The following CTNNA3 variants were observed in gnomAD, a reference collection of about 807,000 sequenced individuals.
CTNNA3 encodes the protein catenin alpha-3.
In CTNNA3, 76 loss-of-function variants were observed where a neutral mutation model predicts 95.7. The observed-to-expected ratio is 0.79, with a 90% CI of 0.66 to 0.96. CTNNA3 has a LOEUF of 0.96. CTNNA3 is among the 40% of genes least tolerant of loss of function. The pLI is 0.00. For missense variants in CTNNA3, 1,191 were observed against 1,089.8 expected (o/e 1.09, Z -1.31); for synonymous variants, 431 against 374.4 (o/e 1.15, Z -1.74).
intron 3 of CTNNA3, among the ~76,000 whole-genome samples, chr10:67,558,304 T>C (rs1398307888): frequency 6.6e-6 from 1 of 152,242 alleles, no homozygotes; most frequent in Non-Finnish European, 1.5e-5. Flanking sequence ...TTATTAAAAC[T>C]ATTATACTGC....
chr10:67,638,945 A>G (rs1289448136), intron 2 of CTNNA3, among the ~76,000 whole-genome samples: 1 of 152,220 alleles, frequency 6.6e-6, no homozygotes, highest in Admixed American at 6.5e-5. Context: ...CACAATTAAA[A>G]GAACTAGAGA....
intron 15 of CTNNA3, among the ~76,000 whole-genome samples, chr10:66,064,381 C>A (rs1044010097): frequency 2.6e-5 from 4 of 152,126 alleles, no homozygotes; most frequent in African/African-American, 9.7e-5. Context: ...TTTTACCAAG[C>A]CTTCTTTGAA....
chr10:67,404,800 G>C (rs1464226061), intron 5 of CTNNA3, among the ~76,000 whole-genome samples: 2 of 152,068 alleles, frequency 1.3e-5, no homozygotes, highest in Non-Finnish European at 2.9e-5. Context: ...AAATGTCAAA[G>C]GCCACTGGAA....
intron 9 of CTNNA3, among the ~76,000 whole-genome samples, chr10:66,625,616 T>C (rs7919910): frequency 0.035 from 5,348 of 152,246 alleles, 124 homozygotes; most frequent in African/African-American, 0.065. Context: ...TTTGACCTCC[T>C]GACCTCAAGC....
chr10:66,872,281 T>C (rs1038624763), intron 7 of CTNNA3, among the ~76,000 whole-genome samples: 1 of 152,130 alleles, frequency 6.6e-6, no homozygotes, highest in Non-Finnish European at 1.5e-5. Flanking sequence ...CTCACAGAGG[T>C]TAAAAACTTT....
chr10:67,042,611 G>A (rs1357441118), intron 7 of CTNNA3, among the ~76,000 whole-genome samples: 1 of 151,976 alleles, frequency 6.6e-6, no homozygotes, highest in African/African-American at 2.4e-5. Flanking sequence ...AAGCTAGGAG[G>A]AGAAAGGAAG....
intron 5 of CTNNA3, among the ~76,000 whole-genome samples, chr10:67,379,179 G>A (rs1476968748): frequency 6.6e-6 from 1 of 152,146 alleles, no homozygotes; most frequent in Non-Finnish European, 1.5e-5. Context: ...AAGTTGCCAT[G>A]AGCATAATTC....
chr10:66,786,716 T>C (rs968073548), intron 7 of CTNNA3, among the ~76,000 whole-genome samples: 1 of 152,202 alleles, frequency 6.6e-6, no homozygotes, highest in African/African-American at 2.4e-5. Flanking sequence ...ATTTTAGTTT[T>C]AAATTCCAAA....
chr10:66,441,223 T>A (rs1589254198), intron 11 of CTNNA3, among the ~76,000 whole-genome samples: 1 of 134,952 alleles, frequency 7.4e-6, no homozygotes, highest in Non-Finnish European at 1.6e-5. Context: ...AATGGTTGCT[T>A]TTCTGATGGT....
At chr10:67,177,078 T>C (rs1030334839) in intron 7 of CTNNA3, 1 of 413,836 alleles carries the variant, frequency 2.4e-6, no homozygotes, top group Non-Finnish European at 4.8e-6. Flanking sequence ...TATACATATG[T>C]ATCCACTCAT....
At chr10:66,600,576 T>C (rs540883891) in intron 10 of CTNNA3, among the ~76,000 whole-genome samples, 3 of 152,024 alleles carry the variant, frequency 2.0e-5, no homozygotes, top group African/African-American at 4.8e-5. Flanking sequence ...GGATGTTAAA[T>C]GATTTGGCAA....
intron 13 of CTNNA3, among the ~76,000 whole-genome samples, chr10:66,118,950 G>T (rs150275744): frequency 7.3e-4 from 111 of 152,154 alleles, no homozygotes; most frequent in African/African-American, 2.6e-3. Context: ...TCCCTATGTT[G>T]CTCAGGCTGA....
intron 3 of CTNNA3, among the ~76,000 whole-genome samples, chr10:67,549,385 ATC>A (rs1450932967): frequency 2.6e-5 from 4 of 152,220 alleles, no homozygotes; most frequent in African/African-American, 9.6e-5. Context: ...AGCAGAATGC[ATC>A]TCTCTCGGAA....
intron 10 of CTNNA3, among the ~76,000 whole-genome samples, chr10:66,585,908 A>T (rs927757960): frequency 1.3e-5 from 2 of 152,028 alleles, no homozygotes; most frequent in Non-Finnish European, 2.9e-5. Context: ...TAATTATTTT[A>T]AAATTAGTTT....
At chr10:66,576,297 T>A (rs1401373272) in intron 10 of CTNNA3, among the ~76,000 whole-genome samples, 2 of 152,208 alleles carry the variant, frequency 1.3e-5, no homozygotes, top group East Asian at 3.9e-4. Context: ...TTTATAAACA[T>A]CCCAGCTGGT....
intron 13 of CTNNA3, among the ~76,000 whole-genome samples, chr10:66,256,183 T>C (rs2090764499): frequency 6.6e-6 from 1 of 152,144 alleles, no homozygotes; most frequent in Non-Finnish European, 1.5e-5. Context: ...AGAAGTCAGT[T>C]AGGAGCCATC....
At chr10:67,723,555 A>G (rs931895781) in intron 1 of CTNNA3, among the ~76,000 whole-genome samples, 1 of 152,094 alleles carries the variant, frequency 6.6e-6, no homozygotes, top group African/African-American at 2.4e-5. Context: ...CAGCCTCCCA[A>G]AGCACTGGGA....
chr10:66,449,744 G>T (rs1036461315), intron 11 of CTNNA3, among the ~76,000 whole-genome samples: 1 of 151,868 alleles, frequency 6.6e-6, no homozygotes, highest in African/African-American at 2.4e-5. Flanking sequence ...TCAAAGTCCG[G>T]CAATATATCT....
chr10:67,022,518 C>A (rs1853085914), intron 7 of CTNNA3, among the ~76,000 whole-genome samples: 1 of 152,040 alleles, frequency 6.6e-6, no homozygotes, highest in Non-Finnish European at 1.5e-5. Flanking sequence ...AAGGAAATGG[C>A]AGGAAGGTCA....
Sources: allele counts gnomAD v4.1 joint callset (sites outside exome capture counted in the v4.1 genomes callset), GRCh38; gene constraint gnomAD v4.1.1; transcripts MANE v1.5; gene names NCBI Gene and HGNC (gene_info 2026-07-23, HGNC 2026-07-21).